Variants in INPP5F observed in about 807,000 individuals in gnomAD.
INPP5F encodes inositol polyphosphate-5-phosphatase F.
In INPP5F, 97 loss-of-function variants were observed where a neutral mutation model predicts 137.2. The ratio of observed to expected loss-of-function variants is 0.71; its 90% confidence interval spans 0.60 to 0.84. The LOEUF (loss-of-function observed/expected upper bound fraction) is 0.84. Ranked by LOEUF, INPP5F falls within the 40% of genes least tolerant of loss-of-function variation. The pLI, the probability that INPP5F is intolerant of heterozygous loss-of-function variation, is 0.00. For missense variants in INPP5F, 1,271 were observed against 1,371.9 expected (o/e 0.93, Z 1.16); for synonymous variants, 504 against 476.9 (o/e 1.06, Z -0.74).
In INPP5F at chr10:119,739,766, A is replaced by C. The variant is rs1260671947; in HGVS notation, c.98-11310A>C. 2.6e-5 allele frequency among the ~76,000 whole-genome samples: 4 copies of C among 152,030 alleles called. No individual in the cohort carries two copies. In the East Asian group the frequency reaches 7.7e-4, roughly 29 times the overall value. ...CACTTTAGCCTTCTAGGTGGCTGGAACTACAGGTGCCTGGCTAATTTTTTG... is the reference window on the plus strand; with the variant it reads ...CACTTTAGCCTTCTAGGTGGCTGGACCTACAGGTGCCTGGCTAATTTTTTG... On this transcript the variant is annotated intron_variant, in intron 1 of 19. Coordinates refer to ENST00000650623, the MANE Select transcript of INPP5F (RefSeq NM_014937.4).
At chr10:119,769,797 C>T (rs1280485652) in intron 2 of INPP5F, among the ~76,000 whole-genome samples, 1 of 152,106 alleles carries the variant, frequency 6.6e-6, no homozygotes, top group Non-Finnish European at 1.5e-5. Context: ...ACCATTGACT[C>T]CCCTGGACTT....
chr10:119,743,103 T>C (rs1175667278), intron 1 of INPP5F, among the ~76,000 whole-genome samples: 1 of 152,254 alleles, frequency 6.6e-6, no homozygotes, highest in Non-Finnish European at 1.5e-5. Context: ...CCAGCTTTAA[T>C]GTCTTTGTCT....
Position 119,810,116 on chromosome 10 carries a change from C to T in INPP5F, c.1586C>T (p.Thr529Ile). 6.2e-7 allele frequency: 1 copy of T among 1,609,242 alleles called. No individual in the cohort carries two copies. Among genetic ancestry groups the T allele is most frequent in the Non-Finnish European group, 8.5e-7 (1 of 1,176,040 alleles). Reference protein sequence around the residue: ...TAALKGDFTRTGERKLAGVMK... With the variant: ...TAALKGDFTRIGERKLAGVMK... ...GTTTGACAGGGTGACTTTACAAGGA[C>T]AGGAGAAAGGAAGTTAGCAGGAGTT... Residue 529 changes from threonine to isoleucine, a missense_variant, in exon 14 of 20, where the codon ACA (threonine) becomes ATA (isoleucine). This residue lies in a region of INPP5F where 593 missense variants were observed against 712.4 expected (regional missense o/e 0.83). Transcript: ENST00000650623.
chr10:119,769,500 T>G (rs532063177), intron 2 of INPP5F, among the ~76,000 whole-genome samples: 14 of 152,276 alleles, frequency 9.2e-5, no homozygotes, highest in Admixed American at 3.9e-4. Context: ...CAAAATGATT[T>G]CTGGTCATGT....
At chr10:119,805,898 T>C (rs1261803235) in intron 11 of INPP5F, among the ~76,000 whole-genome samples, 1 of 152,146 alleles carries the variant, frequency 6.6e-6, no homozygotes, top group Non-Finnish European at 1.5e-5. Flanking sequence ...GAACATTTGA[T>C]TAGATGTTAA....
At chr10:119,813,054 T>A (rs1851107216) in intron 15 of INPP5F, among the ~76,000 whole-genome samples, 1 of 152,240 alleles carries the variant, frequency 6.6e-6, no homozygotes, top group African/African-American at 2.4e-5. Flanking sequence ...TCATCTTTCT[T>A]CAGTCAAGTG....
intron 18 of INPP5F, 126 bp from the exon 19 acceptor site, chr10:119,823,689 C>T (rs900410022): frequency 6.5e-6 from 4 of 613,474 alleles, no homozygotes; most frequent in African/African-American, 3.8e-5. Flanking sequence ...TTCTATAAAT[C>T]GAAGCAAATA....
rs946430889 is a variant in INPP5F, at chr10:119,823,334, G to A, written c.2161+135G>A. ...TCCAGGGAATAGCTTTGGAATATGA[G>A]ACCTTGAAATAGCAACTCTGTTTCC... is the stretch of plus-strand genomic sequence containing the variant. On this transcript the variant is annotated intron_variant, in intron 18 of 19. Transcript: ENST00000650623. 7 of 783,928 alleles carry A rather than the reference G, an allele frequency of 8.9e-6. No homozygotes were observed. In the African/African-American group the frequency reaches 1.2e-4, roughly 14 times the overall value. 48.6% of individuals were successfully genotyped at this position (783,928 alleles called of 1,614,324 possible). A position where few individuals can be genotyped will look rare whatever the true frequency, so the allele number is the denominator to read the frequency against.
intron 17 of INPP5F, 103 bp downstream of exon 17, chr10:119,822,607 A>G: frequency 1.7e-6 from 1 of 580,746 alleles, no homozygotes; most frequent in Non-Finnish European, 3.1e-6. Context: ...TTCACCTACA[A>G]ATGCTTTTCT....
Position 119,744,251 on chromosome 10 carries a change from A to T in INPP5F, c.98-6825A>T, listed in dbSNP as rs557052921. ...ATACATGCATTTCAAGCACACATAG[A>T]ACACTTGCAAATTGACTTGTCAAAT... On this transcript the variant is annotated intron_variant, in intron 1 of 19. Transcript: ENST00000650623. 1.2e-4 allele frequency among the ~76,000 whole-genome samples: 19 copies of T among 152,278 alleles called. No homozygotes were observed. The Middle Eastern group carries it at 0.01, about 82-fold the overall frequency.
At chr10:119,777,428 A>G (rs1849561441) in intron 2 of INPP5F, among the ~76,000 whole-genome samples, 1 of 152,212 alleles carries the variant, frequency 6.6e-6, no homozygotes, top group Non-Finnish European at 1.5e-5. Flanking sequence ...TGGGAGGCTG[A>G]GACAGGAGAA....
chr10:119,824,825 C>T (rs1252666488), intron 19 of INPP5F, among the ~76,000 whole-genome samples: 1 of 152,156 alleles, frequency 6.6e-6, no homozygotes, highest in African/African-American at 2.4e-5. Flanking sequence ...AGCCACTGCA[C>T]CCAGCCTCTT....
At chr10:119,756,215 T>G (rs552288066) in intron 2 of INPP5F, among the ~76,000 whole-genome samples, 1 of 152,134 alleles carries the variant, frequency 6.6e-6, no homozygotes, top group African/African-American at 2.4e-5. Flanking sequence ...TTTTTTTCCC[T>G]CTTAAAGATC....
chr10:119,796,963 A>G, intron 7 of INPP5F, 50 bp downstream of exon 7: 2 of 1,495,898 alleles, frequency 1.3e-6, no homozygotes, highest in Non-Finnish European at 1.9e-6. Context: ...GCGAGAATGG[A>G]AAAGCTGCAG....
intron 2 of INPP5F, among the ~76,000 whole-genome samples, chr10:119,779,586 A>AT (rs1296942976): frequency 6.6e-6 from 1 of 151,792 alleles, no homozygotes; most frequent in Non-Finnish European, 1.5e-5. Flanking sequence ...CTCCTGGCTA[A>AT]TTCTTTAATT....
chr10:119,755,814 A>G (rs556098931), intron 2 of INPP5F, among the ~76,000 whole-genome samples: 4 of 152,324 alleles, frequency 2.6e-5, no homozygotes, highest in African/African-American at 9.6e-5. Flanking sequence ...TCCTTGACAC[A>G]GTTATTGCGA....
At chr10:119,807,864 G>C in intron 12 of INPP5F, 68 bp from the exon 13 acceptor site, 1 of 1,428,750 alleles carries the variant, frequency 7.0e-7, no homozygotes, top group Non-Finnish European at 9.4e-7. Flanking sequence ...TCCTTTTTCT[G>C]CAGTACACAT....
intron 2 of INPP5F, among the ~76,000 whole-genome samples, chr10:119,765,773 G>GTGTGTA (rs1291191693): frequency 6.8e-6 from 1 of 146,996 alleles, no homozygotes; most frequent in African/African-American, 2.5e-5. Flanking sequence ...GTGTGTGTGT[G>GTGTGTA]TGTGTGTGTG....
intron 9 of INPP5F, among the ~76,000 whole-genome samples, chr10:119,798,868 C>G (rs538712608): frequency 6.8e-6 from 1 of 147,322 alleles, no homozygotes; most frequent in South Asian, 2.2e-4. Flanking sequence ...TGGGCTCAAG[C>G]AATCTTCTCT....
Sources: allele counts gnomAD v4.1 joint callset (sites outside exome capture counted in the v4.1 genomes callset), GRCh38; gene constraint gnomAD v4.1.1; regional missense constraint gnomAD v4.1.1; transcripts MANE v1.5; gene names NCBI Gene and HGNC (gene_info 2026-07-23, HGNC 2026-07-21).